The following MACF1 variants were observed in gnomAD, a reference collection of about 807,000 sequenced individuals.
MACF1 encodes the protein microtubule-actin cross-linking factor 1.
A neutral mutation model predicts 854.8 loss-of-function variants in MACF1; 193 were observed. The ratio of observed to expected loss-of-function variants is 0.23; its 90% CI spans 0.20 to 0.25. The LOEUF is 0.25. MACF1 is among the 10% of genes least tolerant of loss of function. MACF1 has a pLI of 1.00. For missense variants in MACF1, 7,722 were observed against 8,929.1 expected, an observed-to-expected ratio of 0.86 and a Z score of 5.45; for synonymous variants, 3,185 against 3,226.7, an observed-to-expected ratio of 0.99 and a Z score of 0.44.
Position 39,174,788 on chromosome 1 carries a change from T to C in MACF1, c.221-56394T>C, listed in dbSNP as rs541616206. On this transcript the variant is annotated intron_variant, in intron 2 of 93. Coordinates refer to the MACF1 transcript ENST00000361689. ...GGCCCCTGATCCTCCAAATTTACAG[T>C]AGTAAGAGAAGCAAGAAATATCTTA... Among the ~76,000 whole-genome samples the C allele has an allele frequency of 1.3e-3, 198 of 152,234 alleles. 2 individuals carry two copies. The highest frequency in any genetic ancestry group is 2.8e-4 in the Non-Finnish European group (19 of 68,026).
chr1:39,331,326 A>G lies in MACF1; in HGVS notation c.4738A>G (p.Ile1580Val), dbSNP rs1332991975. 1.2e-6 allele frequency: 2 copies of G among 1,613,792 alleles called. No individual in the cohort carries two copies. Among genetic ancestry groups the G allele is most frequent in the African/African-American group, 1.3e-5 (1 of 74,822 alleles). The change falls in exon 37 of 101, where the codon ATC becomes GTC. Residue 1580 changes from isoleucine (I) to valine (V), a missense_variant. This residue lies in a region of MACF1 where 1,531 missense variants were observed against 1,601.6 expected (regional missense o/e 0.96). Transcript: ENST00000564288. ...CCTAGTGCTTCTGGAATCTCAGGTT[A>G]TCATGTCTGGCCTCATTGCCCCTGA... ...TGLVLLESQV[I>V]MSGLIAPETG...
Position 39,158,869 on chromosome 1 carries a change from C to T in MACF1, c.221-72313C>T, listed in dbSNP as rs550921481. Among the ~76,000 whole-genome samples, 9 of 152,292 alleles carry T rather than the reference C, an allele frequency of 5.9e-5. No homozygotes were observed. In the East Asian group the frequency reaches 9.6e-4, roughly 16 times the overall value. ...TCCAGTTCTTGGGGGCTAGTAGAAGCGGGAGTAGAGATCATTCGGTTTGCA... is the reference window on the plus strand; with the variant it reads ...TCCAGTTCTTGGGGGCTAGTAGAAGTGGGAGTAGAGATCATTCGGTTTGCA... On this transcript the variant is annotated intron_variant, in intron 2 of 93. Transcript: ENST00000361689.
chr1:39,173,911 G>C (rs921848290), intron 2 of MACF1, among the ~76,000 whole-genome samples: 1 of 152,086 alleles, frequency 6.6e-6, no homozygotes, highest in Non-Finnish European at 1.5e-5. Flanking sequence ...TTTGATTAAG[G>C]CTGCCTTTTC....
At chr1:39,102,434 CGGGG>C (rs10566264) in intron 2 of MACF1, among the ~76,000 whole-genome samples, 1 of 69,420 alleles carries the variant, frequency 1.4e-5, no homozygotes, top group African/African-American at 7.2e-5. Flanking sequence ...TAATTGGAGG[CGGGG>C]GGGGGGTCAA....
chr1:39,168,825 C>T (rs1643908728), intron 2 of MACF1, among the ~76,000 whole-genome samples: 1 of 152,074 alleles, frequency 6.6e-6, no homozygotes, highest in Non-Finnish European at 1.5e-5. Context: ...ATGGGGGTCT[C>T]TGTGTGTTGT....
chr1:39,297,178 G>T (rs570621973), intron 20 of MACF1, among the ~76,000 whole-genome samples: 59 of 152,230 alleles, frequency 3.9e-4, no homozygotes, highest in African/African-American at 1.4e-3. Context: ...TGCCCGCCTT[G>T]GCCTCCGAAA....
chr1:39,136,615 C>G (rs770661628), intron 2 of MACF1, among the ~76,000 whole-genome samples: 5 of 152,148 alleles, frequency 3.3e-5, no homozygotes, highest in Non-Finnish European at 7.3e-5. Flanking sequence ...CCTCATATTA[C>G]CTGCTTTTGT....
intron 6 of MACF1, among the ~76,000 whole-genome samples, chr1:39,280,389 G>A (rs1450295688): frequency 1.3e-5 from 2 of 152,116 alleles, no homozygotes; most frequent in Non-Finnish European, 2.9e-5. Context: ...TTCGTTCACA[G>A]CATCTTAGTT....
At chr1:39,196,258 A>G (rs182617568) in intron 2 of MACF1, among the ~76,000 whole-genome samples, 130 of 152,340 alleles carry the variant, frequency 8.5e-4, no homozygotes, top group African/African-American at 2.9e-3. Context: ...CATGGCATCT[A>G]TGTATACGGA....
chr1:39,355,460 C>CT (rs56202498), intron 44 of MACF1, among the ~76,000 whole-genome samples: 15,312 of 81,112 alleles, frequency 0.19, 2,614 homozygotes, highest in Non-Finnish European at 0.24. Flanking sequence ...TTTTCTTCTG[C>CT]TTTTTTTTTT....
chr1:39,240,618 C>A (rs1644911171), intron 2 of MACF1, among the ~76,000 whole-genome samples: 1 of 152,222 alleles, frequency 6.6e-6, no homozygotes. Context: ...CCTGCCTCAG[C>A]CTCCCGAGTA....
intron 58 of MACF1, among the ~76,000 whole-genome samples, chr1:39,420,394 G>T (rs758439276): frequency 5.3e-5 from 8 of 152,136 alleles, no homozygotes; most frequent in Non-Finnish European, 1.0e-4. Flanking sequence ...TTTTTCTTCA[G>T]CAGAAACATC....
intron 2 of MACF1, among the ~76,000 whole-genome samples, chr1:39,232,746 G>GTTTTTTTT (rs10712180): frequency 1.1e-3 from 146 of 128,312 alleles, no homozygotes; most frequent in Middle Eastern, 4.2e-3. Flanking sequence ...TACTCTCTTT[G>GTTTTTTTT]TTTTTTTTTT....
At chr1:39,350,605 T>C (rs1475937782) in intron 42 of MACF1, among the ~76,000 whole-genome samples, 180 bp from the exon 43 acceptor site, 1 of 152,228 alleles carries the variant, frequency 6.6e-6, no homozygotes, top group Non-Finnish European at 1.5e-5. Flanking sequence ...TCACTAAATA[T>C]TTGCTTAGAA....
chr1:39,268,387 C>T, intron 6 of MACF1: 1 of 925,462 alleles, frequency 1.1e-6, no homozygotes, highest in Admixed American at 5.3e-5. Context: ...CCAATTACCT[C>T]ATATTTGGAG....
intron 84 of MACF1, among the ~76,000 whole-genome samples, chr1:39,450,583 ATC>A (rs1419228279): frequency 6.8e-6 from 1 of 146,960 alleles, no homozygotes; most frequent in African/African-American, 2.5e-5. Context: ...ATGTCTCACC[ATC>A]TCTCAGTCAC....
chr1:39,286,234 A>G (rs1645638478), intron 14 of MACF1, among the ~76,000 whole-genome samples: 1 of 151,348 alleles, frequency 6.6e-6, no homozygotes, highest in Admixed American at 6.6e-5. Flanking sequence ...GGCTGATCTC[A>G]ATCTCCTGGG....
At chr1:39,458,880 ATG>A in intron 90 of MACF1, 1 of 548,688 alleles carries the variant, frequency 1.8e-6, no homozygotes, top group Non-Finnish European at 3.2e-6. Context: ...GCTTGGAGAT[ATG>A]TAGGCAGCAG....
At chr1:39,178,572 GGTC>G (rs1644063318) in intron 2 of MACF1, among the ~76,000 whole-genome samples, 2 of 152,132 alleles carry the variant, frequency 1.3e-5, no homozygotes, top group Non-Finnish European at 1.5e-5. Flanking sequence ...AAGGCATGCG[GGTC>G]ACTGAGGTTT....
Sources: gnomAD v4.1 joint callset for allele counts (sites outside exome capture counted in the v4.1 genomes callset) on GRCh38, gnomAD v4.1.1 for gene constraint, gnomAD v4.1.1 regional missense constraint, MANE v1.5 for transcripts, NCBI Gene and HGNC (gene_info 2026-07-23, HGNC 2026-07-21) for gene names.